Variants in RNF123 observed in about 807,000 individuals in gnomAD.
The protein encoded by RNF123 is E3 ubiquitin-protein ligase RNF123.
A neutral mutation model predicts 168.5 loss-of-function variants in RNF123; 86 were observed. The ratio of observed to expected loss-of-function variants is 0.51; its 90% confidence interval spans 0.43 to 0.61. The LOEUF is 0.61. Ranked by LOEUF, RNF123 falls within the 20% of genes least tolerant of loss-of-function variation. RNF123 has a pLI of 0.00. For synonymous variants in RNF123, 666 were observed against 689.1 expected, an observed-to-expected ratio of 0.97 and a Z score of 0.52; for missense variants, 1,419 against 1,729.7, an observed-to-expected ratio of 0.82 and a Z score of 3.19.
At position 49,721,399 on chromosome 3, in the gene RNF123, C is replaced by A. The variant is rs2080404253; in HGVS notation, c.*94C>A. On this transcript the variant is annotated 3_prime_UTR_variant, in exon 39 of 39. Coordinates refer to ENST00000327697, the MANE Select transcript of RNF123 (RefSeq NM_022064.5). ...AGCTCCCTTTGCCCTTCTCCTGTAT[C>A]CCACACCACCACATCCAACCTCCTT... 6.7e-7 allele frequency: 1 copy of A among 1,503,132 alleles called. No homozygotes were observed. The highest frequency in any genetic ancestry group is 1.1e-5 in the South Asian group (1 of 88,214). 93.1% of individuals were successfully genotyped at this position (1,503,132 alleles called of 1,614,324 possible). A position where few individuals can be genotyped will look rare whatever the true frequency, so the allele number is the denominator to read the frequency against.
chr3:49,690,059 G>A (rs2054098513), intron 1 of RNF123, among the ~76,000 whole-genome samples: 1 of 152,244 alleles, frequency 6.6e-6, no homozygotes, highest in Non-Finnish European at 1.5e-5. Flanking sequence ...GAGGGCCCGA[G>A]GTCGGGAAAA....
intron 35 of RNF123, chr3:49,719,064 C>A: frequency 6.2e-7 from 1 of 1,613,796 alleles, no homozygotes; most frequent in Non-Finnish European, 8.5e-7. Flanking sequence ...GCTTCTCCAG[C>A]GCCCCCAGCC....
At position 49,700,492 on chromosome 3, in the gene RNF123, C is replaced by A; in HGVS notation, c.1131C>A (p.Cys377Ter). Residue 377 changes from cysteine to a stop codon, truncating the protein, a stop_gained, in exon 14 of 39, where the codon TGC becomes TGA. Transcript: ENST00000327697. LOFTEE classifies it high-confidence loss of function. ...LFMEDYEVQD[C>*]LKQLMMSLLR... ...CCCAGGACTACGAGGTACAAGATTG[C>A]CTCAAGCAGTTGATGATGTCTCTGC... 6.2e-7 allele frequency: 1 copy of A among 1,614,156 alleles called. No homozygotes were observed. Among genetic ancestry groups the A allele is most frequent in the Non-Finnish European group, 8.5e-7 (1 of 1,180,014 alleles).
intron 21 of RNF123, among the ~76,000 whole-genome samples, chr3:49,704,205 G>A (rs950343482): frequency 6.6e-6 from 1 of 152,082 alleles, no homozygotes; most frequent in Admixed American, 6.5e-5. Context: ...ACGGTGGTGG[G>A]GATGAGCCTG....
chr3:49,713,644 G>A (rs999142632), intron 28 of RNF123, 57 bp downstream of exon 28: 18 of 1,581,244 alleles, frequency 1.1e-5, no homozygotes, highest in Admixed American at 7.3e-5. Flanking sequence ...ACCTCTGGTC[G>A]GCTTTCTTCT....
chr3:49,720,922 A>G, intron 37 of RNF123, 28 bp downstream of exon 37: 1 of 1,612,834 alleles, frequency 6.2e-7, no homozygotes, highest in Non-Finnish European at 8.5e-7. Context: ...GCACAGGTCC[A>G]TGCCACTTGA....
chr3:49,709,501 C>T lies in RNF123; in HGVS notation c.2496+2603C>T, dbSNP rs1290696982. Among the ~76,000 whole-genome samples, 6 of 152,220 alleles carry T rather than the reference C, an allele frequency of 3.9e-5. No individual in the cohort carries two copies. The East Asian group carries it at 7.7e-4, about 20-fold the overall frequency. On this transcript the variant is annotated intron_variant, in intron 26 of 38. Coordinates refer to ENST00000327697, the MANE Select transcript of RNF123 (RefSeq NM_022064.5). ...ATTTTTAGTAGAGACAGGGTTTCACCGTGTTAGCCAGGATGGTCTCGATCT... is the reference window on the plus strand; with the variant it reads ...ATTTTTAGTAGAGACAGGGTTTCACTGTGTTAGCCAGGATGGTCTCGATCT...
intron 8 of RNF123, 113 bp downstream of exon 8, chr3:49,698,639 A>C (rs2054315580): frequency 6.5e-7 from 1 of 1,531,866 alleles, no homozygotes; most frequent in Non-Finnish European, 9.0e-7. Flanking sequence ...TCAGGGACCC[A>C]GGTCCTTTGT....
In RNF123 at chr3:49,698,555, G is replaced by A. The variant is rs376685153; in HGVS notation, c.570+29G>A. The A allele has an allele frequency of 1.2e-5, 20 of 1,608,048 alleles. No homozygotes were observed. In the African/African-American group the frequency reaches 1.9e-4, roughly 15 times the overall value. ...AGAGCCAAGCCCCTGTGGGTCATCC[G>A]CCCCATGACTGTTACTACAGCTTAT... On this transcript the variant is annotated intron_variant, in intron 8 of 38. Coordinates refer to ENST00000327697, the MANE Select transcript of RNF123 (RefSeq NM_022064.5).
chr3:49,700,461 TC>T lies in RNF123; in HGVS notation c.1111-10del, dbSNP rs772481256. 2 of 1,613,552 alleles carry T rather than the reference TC, an allele frequency of 1.2e-6. No individual in the cohort carries two copies. Among genetic ancestry groups the T allele is most frequent in the South Asian group, 2.2e-5 (2 of 91,074 alleles). On this transcript the variant is annotated splice_polypyrimidine_tract_variant and intron_variant, in intron 13 of 38. Transcript: ENST00000327697. ...CCCCAGTCATGGCTGCCTTGGCATCTCTTCCCCCAGGACTACGAGGTACAAG... is the reference window on the plus strand; with the variant it reads ...CCCCAGTCATGGCTGCCTTGGCATCTTTCCCCCAGGACTACGAGGTACAAG...
chr3:49,716,212 AC>A, intron 34 of RNF123, 35 bp downstream of exon 34: 1 of 1,606,308 alleles, frequency 6.2e-7, no homozygotes, highest in Non-Finnish European at 8.5e-7. Context: ...CCAACACACT[AC>A]AGGCCTCGGT....
rs775665826 is a variant in RNF123 at position 49,706,912 on chromosome 3, G to A, written c.2496+14G>A. 5.0e-6 allele frequency: 8 copies of A among 1,609,512 alleles called. No homozygotes were observed. The South Asian group carries it at 6.6e-5, about 13-fold the overall frequency. On this transcript the variant is annotated intron_variant, in intron 26 of 38. Transcript: ENST00000327697. ...GTCTACTCCCAGGTGTGCTGGTATT[G>A]CAGCTGCCCCTTCCCGACCTCACTG...
chr3:49,701,681 T>C (rs2054391032), intron 16 of RNF123, 73 bp downstream of exon 16: 1 of 1,486,794 alleles, frequency 6.7e-7, no homozygotes. Context: ...CCACTGGGCA[T>C]CTAGCATGAG....
chr3:49,698,385 T>C, intron 7 of RNF123, 55 bp from the exon 8 acceptor site: 1 of 1,466,124 alleles, frequency 6.8e-7, no homozygotes, highest in Non-Finnish European at 9.5e-7. Flanking sequence ...ATTGGTGGGC[T>C]CTGGCCCAGA....
In RNF123 at chr3:49,693,308, A is replaced by C. The variant is rs181075011; in HGVS notation, c.167+1799A>C. ...CGTGATCCGCCCACCTCGGCCTCCC[A>C]AAGTGCTGGGATTACAGGCGTGAGC... On this transcript the variant is annotated intron_variant, in intron 3 of 38. Transcript: ENST00000327697. 1.5e-3 allele frequency among the ~76,000 whole-genome samples: 216 copies of C among 147,666 alleles called. 3 individuals are homozygous for C. The highest frequency in any genetic ancestry group is 4.8e-3 in the African/African-American group (191 of 40,062).
chr3:49,697,797 C>G, intron 5 of RNF123, 88 bp from the exon 6 acceptor site: 1 of 1,514,848 alleles, frequency 6.6e-7, no homozygotes, highest in Non-Finnish European at 9.2e-7. Context: ...ACCACCAGGG[C>G]TGGCTCAGTT....
chr3:49,701,652 CCCTGGCCTGGGCA>C (rs2054390454), intron 16 of RNF123, 44 bp downstream of exon 16: 2 of 1,569,194 alleles, frequency 1.3e-6, no homozygotes, highest in Non-Finnish European at 1.8e-6. Context: ...ATGGCAAGGC[CCCTGGCCTGGGCA>C]TCTGGCCACT....
chr3:49,698,336 T>A, intron 7 of RNF123, 104 bp from the exon 8 acceptor site: 1 of 1,041,598 alleles, frequency 9.6e-7, no homozygotes, highest in Non-Finnish European at 1.5e-6. Flanking sequence ...TCAGATCATC[T>A]GTTCCCTTCT....
At position 49,701,946 on chromosome 3, in the gene RNF123, T is replaced by A. The variant is rs371933757; in HGVS notation, c.1495+36T>A. ...CTTGGGCACGGGGTAGGGTGGGAGG[T>A]GTGTGTGTGCACATGAGGGTGCTTG... On this transcript the variant is annotated intron_variant, in intron 17 of 38. Coordinates refer to ENST00000327697, the MANE Select transcript of RNF123 (RefSeq NM_022064.5). 384 of 1,548,736 alleles carry A rather than the reference T, an allele frequency of 2.5e-4. 2 individuals carry two copies. Among genetic ancestry groups the A allele is most frequent in the South Asian group, 1.8e-3 (156 of 84,346 alleles).
Sources: allele counts gnomAD v4.1 joint callset (sites outside exome capture counted in the v4.1 genomes callset), GRCh38; gene constraint gnomAD v4.1.1; transcripts MANE v1.5; gene names NCBI Gene and HGNC (gene_info 2026-07-23, HGNC 2026-07-21).